LRRFIP1: variants seen among roughly 807,000 people sequenced by gnomAD.
The protein encoded by LRRFIP1 is LRR binding FLII interacting protein 1, also known as leucine-rich repeat flightless-interacting protein 1.
In LRRFIP1, 62 loss-of-function variants were observed where a neutral mutation model predicts 104.4. The ratio of observed to expected loss-of-function variants is 0.59; its 90% CI spans 0.48 to 0.73. The LOEUF is 0.73. Among genes scored for constraint, LRRFIP1 ranks in the 30% least tolerant of loss-of-function variants. LRRFIP1 has a pLI of 0.00. For missense variants in LRRFIP1, 796 were observed against 824.5 expected, an observed-to-expected ratio of 0.97 and a Z score of 0.42; for synonymous variants, 300 against 299.0, an observed-to-expected ratio of 1.00 and a Z score of -0.03.
At chr2:237,695,377 C>T (rs1329270348) in intron 1 of LRRFIP1, among the ~76,000 whole-genome samples, 2 of 152,122 alleles carry the variant, frequency 1.3e-5, no homozygotes, top group Non-Finnish European at 2.9e-5. Context: ...GGTGTTTCAG[C>T]GAAGTTGATT....
intron 1 of LRRFIP1, among the ~76,000 whole-genome samples, chr2:237,699,252 T>C (rs973905712): frequency 2.0e-5 from 3 of 152,370 alleles, no homozygotes; most frequent in African/African-American, 7.2e-5. Context: ...GAATAGTTCA[T>C]GTATATTTGA....
In LRRFIP1 at chr2:237,647,692, C is replaced by T. The variant is rs193083554; in HGVS notation, c.96+19952C>T. Among the ~76,000 whole-genome samples, 582 of 116,308 alleles carry T rather than the reference C, an allele frequency of 5.0e-3. 11 individuals carry two copies. Among genetic ancestry groups the T allele is most frequent in the Middle Eastern group, 0.011 (3 of 272 alleles). The allele number at this position is 116,308 out of a possible 152,430, so 76.3% of individuals were successfully genotyped here. The stretch of plus-strand genomic sequence containing the variant: ...GGAGGGAGCAGGAGCAGGGTCACGC[C>T]CTGTCACCCCGTGGCCGGCCACTCA... On this transcript the variant is annotated intron_variant, in intron 1 of 23. Coordinates refer to ENST00000308482, the MANE Select transcript of LRRFIP1 (RefSeq NM_001137550.2).
chr2:237,650,474 C>T (rs10211234), intron 1 of LRRFIP1, among the ~76,000 whole-genome samples: 87,727 of 150,314 alleles, frequency 0.58, 26,098 homozygotes, highest in African/African-American at 0.67. Context: ...AAGAGGATTC[C>T]TCCTCGCACT....
chr2:237,650,288 T>G (rs772012354), intron 1 of LRRFIP1, among the ~76,000 whole-genome samples: 3 of 151,730 alleles, frequency 2.0e-5, no homozygotes, highest in African/African-American at 7.3e-5. Context: ...ATGGGGGCTG[T>G]TGTGGCTGAG....
At chr2:237,694,813 C>T (rs1333899148) in intron 1 of LRRFIP1, among the ~76,000 whole-genome samples, 1 of 152,240 alleles carries the variant, frequency 6.6e-6, no homozygotes, top group Admixed American at 6.5e-5. Flanking sequence ...CTGTGCATTT[C>T]TGCAGCTTTT....
At chr2:237,739,689 A>G (rs1292161172) in intron 11 of LRRFIP1, among the ~76,000 whole-genome samples, 2 of 152,166 alleles carry the variant, frequency 1.3e-5, no homozygotes, top group African/African-American at 2.4e-5. Flanking sequence ...TTTGGCCCCA[A>G]TCATTCGTTA....
chr2:237,641,505 A>G (rs961353153), intron 1 of LRRFIP1, among the ~76,000 whole-genome samples: 1 of 151,920 alleles, frequency 6.6e-6, no homozygotes, highest in Non-Finnish European at 1.5e-5. Flanking sequence ...TCAAAAAAAA[A>G]AAAAAAAAAA....
intron 8 of LRRFIP1, 46 bp downstream of exon 8, chr2:237,727,981 T>A: frequency 7.1e-7 from 1 of 1,407,082 alleles, no homozygotes; most frequent in South Asian, 1.3e-5. Flanking sequence ...ATAGGTTGTT[T>A]CAAAGCTTCT....
chr2:237,763,464 C>A (rs1423690979), intron 19 of LRRFIP1: 1 of 1,612,892 alleles, frequency 6.2e-7, no homozygotes, highest in East Asian at 2.2e-5. Context: ...TCCCCAGTAC[C>A]CGTAGAAACC....
At chr2:237,733,870 A>G in intron 9 of LRRFIP1, 52 bp downstream of exon 9, 1 of 1,587,784 alleles carries the variant, frequency 6.3e-7, no homozygotes, top group South Asian at 1.1e-5. Flanking sequence ...CTGTGCATGC[A>G]CCGCCCCCAC....
chr2:237,777,222 T>C (rs2061167862), intron 23 of LRRFIP1, among the ~76,000 whole-genome samples: 3 of 152,214 alleles, frequency 2.0e-5, no homozygotes, highest in Admixed American at 6.5e-5. Context: ...ATCCCACTTA[T>C]CAGATAATAC....
At chr2:237,746,181 C>G (rs1301484151) in intron 11 of LRRFIP1, among the ~76,000 whole-genome samples, 2 of 151,754 alleles carry the variant, frequency 1.3e-5, no homozygotes, top group Non-Finnish European at 2.9e-5. Flanking sequence ...GCCTCAACCT[C>G]CTGAGTAGCT....
chr2:237,657,023 A>G (rs1472221416), intron 1 of LRRFIP1, among the ~76,000 whole-genome samples: 2 of 152,224 alleles, frequency 1.3e-5, no homozygotes, highest in Non-Finnish European at 2.9e-5. Flanking sequence ...ATGAAGGGGC[A>G]TTTTCTGAAG....
chr2:237,726,810 A>G lies in LRRFIP1; in HGVS notation c.385-1066A>G, dbSNP rs2150262201. Reference sequence around the variant, plus strand: ...TGAATCAGCAGAAATTTCCTTATAGATGAATTAAGGGACATTTAGAAAGCC... The same window carrying G: ...TGAATCAGCAGAAATTTCCTTATAGGTGAATTAAGGGACATTTAGAAAGCC... On this transcript the variant is annotated intron_variant, in intron 7 of 23. Transcript: ENST00000308482. 2.0e-5 allele frequency among the ~76,000 whole-genome samples: 3 copies of G among 152,252 alleles called. No homozygotes were observed. The Middle Eastern group carries it at 0.01, about 518-fold the overall frequency.
At chr2:237,630,695 A>T (rs987264512) in intron 1 of LRRFIP1, among the ~76,000 whole-genome samples, 6 of 152,204 alleles carry the variant, frequency 3.9e-5, no homozygotes, top group Non-Finnish European at 8.8e-5. Context: ...GGGGAAGTAT[A>T]TTGGCTGGAG....
chr2:237,668,316 A>G (rs1383093515), intron 1 of LRRFIP1, among the ~76,000 whole-genome samples: 2 of 152,102 alleles, frequency 1.3e-5, no homozygotes, highest in Admixed American at 6.5e-5. Context: ...GATTGAAAAC[A>G]GCAGCCTCTC....
intron 23 of LRRFIP1, among the ~76,000 whole-genome samples, chr2:237,776,645 A>T (rs2061119985): frequency 1.3e-5 from 2 of 151,974 alleles, no homozygotes; most frequent in Admixed American, 1.3e-4. Context: ...TAAACCTTTT[A>T]TCACTTTGTA....
In LRRFIP1 at chr2:237,780,955, CCACGGGTCGGA is replaced by C. The variant is rs2061418784; in HGVS notation, c.*1426_*1436del. Among the ~76,000 whole-genome samples the C allele has an allele frequency of 6.6e-6, 1 of 152,172 alleles. No individual in the cohort carries two copies. Among genetic ancestry groups the C allele is most frequent in the Non-Finnish European group, 1.5e-5 (1 of 68,036 alleles). The stretch of plus-strand genomic sequence containing the variant: ...GGGGCCAACACTGGCAAGTAGGAAA[CCACGGGTCGGA>C]CAGGTGAGCAAAATGTGCTGGCAGG... On this transcript the variant is annotated 3_prime_UTR_variant, in exon 24 of 24. Coordinates refer to ENST00000308482, the MANE Select transcript of LRRFIP1 (RefSeq NM_001137550.2).
chr2:237,737,390 C>T (rs2095284088), intron 10 of LRRFIP1, among the ~76,000 whole-genome samples: 1 of 152,204 alleles, frequency 6.6e-6, no homozygotes, highest in Admixed American at 6.5e-5. Flanking sequence ...ATGATTCAGA[C>T]TTAAAGCTTT....
Sources: gnomAD v4.1 joint callset for allele counts (sites outside exome capture counted in the v4.1 genomes callset) on GRCh38, gnomAD v4.1.1 for gene constraint, MANE v1.5 for transcripts, NCBI Gene and HGNC (gene_info 2026-07-23, HGNC 2026-07-21) for gene names.